Variants in ABCB7 observed in about 807,000 individuals in gnomAD.
ABCB7 encodes ATP binding cassette subfamily B member 7.
Under a neutral mutation model 54.4 loss-of-function variants are expected in ABCB7, and 7 were observed. The ratio of observed to expected loss-of-function variants is 0.13; its 90% CI spans 0.07 to 0.24. The LOEUF is 0.24. ABCB7 is among the 10% of genes least tolerant of loss of function. The probability of loss-of-function intolerance (pLI) is 1.00; values close to 1 mark genes in which losing one functional copy is unlikely to be tolerated. For missense variants in ABCB7, 356 were observed against 570.4 expected, an observed-to-expected ratio of 0.62 and a Z score of 3.83; for synonymous variants, 218 against 207.1, an observed-to-expected ratio of 1.05 and a Z score of -0.45.
intron 5 of ABCB7, among the ~76,000 whole-genome samples, chrX:75,076,080 G>A (rs949757892): frequency 9.0e-6 from 1 of 111,473 alleles, no homozygotes; most frequent in Non-Finnish European, 1.9e-5. Context: ...GGGACACACA[G>A]CATTCATATT....
At chrX:75,152,600 CCT>C (rs1213275965) in intron 1 of ABCB7, among the ~76,000 whole-genome samples, 1 of 111,963 alleles carries the variant, frequency 8.9e-6, no homozygotes, top group Non-Finnish European at 1.9e-5. Flanking sequence ...TGTATCATAA[CCT>C]AATGTTCCAG....
At chrX:75,116,299 C>T (rs933769222) in intron 1 of ABCB7, among the ~76,000 whole-genome samples, 2 of 110,569 alleles carry the variant, frequency 1.8e-5, no homozygotes, top group African/African-American at 6.6e-5. Context: ...ACCTGGAAGT[C>T]GCACCACCCC....
At chrX:75,081,696 T>C (rs2081456763) in intron 4 of ABCB7, among the ~76,000 whole-genome samples, 1 of 111,899 alleles carries the variant, frequency 8.9e-6, no homozygotes, top group Admixed American at 9.5e-5. Context: ...ATAAAAACAC[T>C]GAAATCCCAG....
intron 4 of ABCB7, among the ~76,000 whole-genome samples, chrX:75,085,259 C>T (rs193110010): frequency 1.9e-3 from 211 of 111,925 alleles, no homozygotes; most frequent in African/African-American, 6.2e-3. Context: ...GAATACTATT[C>T]GGCAATGAAA....
At chrX:75,078,420 T>C (rs140020116) in intron 4 of ABCB7, among the ~76,000 whole-genome samples, 1,959 of 111,554 alleles carry the variant, frequency 0.018, 49 homozygotes, top group African/African-American at 0.06. Flanking sequence ...TCCATCCTTT[T>C]TGCATAAATT....
intron 1 of ABCB7, among the ~76,000 whole-genome samples, chrX:75,142,241 C>T (rs2082059173): frequency 9.0e-6 from 1 of 111,658 alleles, no homozygotes; most frequent in Non-Finnish European, 1.9e-5. Context: ...TTATGCACAT[C>T]CTCCTGTATA....
intron 1 of ABCB7, among the ~76,000 whole-genome samples, chrX:75,142,579 C>A (rs139310084): frequency 1.3e-4 from 14 of 111,708 alleles, no homozygotes; most frequent in African/African-American, 2.6e-4. Flanking sequence ...GAATCTCCCC[C>A]CAAGGTGTTT....
intron 1 of ABCB7, among the ~76,000 whole-genome samples, chrX:75,125,162 C>A (rs957830223): frequency 1.8e-5 from 2 of 111,567 alleles, no homozygotes; most frequent in African/African-American, 6.5e-5. Context: ...TTGGACCATT[C>A]TGTATGGCTC....
intron 1 of ABCB7, among the ~76,000 whole-genome samples, chrX:75,116,823 G>T (rs780555897): frequency 6.3e-5 from 7 of 110,843 alleles, no homozygotes; most frequent in Non-Finnish European, 1.1e-4. Flanking sequence ...GACCTGGCTG[G>T]TAAAACAGGT....
At position 75,053,619 on chromosome X, in the gene ABCB7, G is replaced by A. The variant is rs769374153; in HGVS notation, c.2044-34C>T. On this transcript the variant is annotated intron_variant, in intron 15 of 15. Coordinates refer to ENST00000373394, the MANE Select transcript of ABCB7 (RefSeq NM_001271696.3). ...TAAACACATGAGAAACACGGAGAAA[G>A]GTCATTTAACTAGCATAATAACTGA... 2.7e-4 allele frequency: 311 copies of A among 1,164,807 alleles called. 2 individuals carry two copies. The East Asian group carries it at 9.4e-3, about 35-fold the overall frequency.
At chrX:75,058,352 T>C (rs955379871) in intron 15 of ABCB7, among the ~76,000 whole-genome samples, 6 of 111,797 alleles carry the variant, frequency 5.4e-5, no homozygotes, top group Non-Finnish European at 1.1e-4. Flanking sequence ...TCCTTACGGC[T>C]GTATACTTAT....
At chrX:75,102,574 G>C (rs937322001) in intron 3 of ABCB7, among the ~76,000 whole-genome samples, 1 of 111,689 alleles carries the variant, frequency 9.0e-6, no homozygotes, top group Non-Finnish European at 1.9e-5. Context: ...CACTTAGATT[G>C]ATTCCATATC....
At chrX:75,142,970 GAA>G (rs2082065033) in intron 1 of ABCB7, among the ~76,000 whole-genome samples, 2 of 112,228 alleles carry the variant, frequency 1.8e-5, no homozygotes, top group African/African-American at 6.5e-5. Flanking sequence ...ATAAACTCTA[GAA>G]ACAGAATACA....
At chrX:75,064,445 T>C (rs1312515654) in intron 13 of ABCB7, among the ~76,000 whole-genome samples, 1 of 110,377 alleles carries the variant, frequency 9.1e-6, no homozygotes, top group Non-Finnish European at 1.9e-5. Context: ...TAAAGAAACA[T>C]TTTTCTGTGT....
intron 1 of ABCB7, among the ~76,000 whole-genome samples, chrX:75,125,981 A>G (rs1395229341): frequency 9.0e-6 from 1 of 111,280 alleles, no homozygotes; most frequent in Non-Finnish European, 1.9e-5. Flanking sequence ...AACTACACTT[A>G]AAAAATTCCA....
chrX:75,111,597 C>T, intron 3 of ABCB7, among the ~76,000 whole-genome samples: 1 of 111,191 alleles, frequency 9.0e-6, no homozygotes, highest in South Asian at 3.7e-4. Context: ...ACTACAACTC[C>T]ACACTATTTT....
rs193115798 is a variant in ABCB7 at position 75,119,463 on chromosome X, C to T, written c.169-4632G>A. Among the ~76,000 whole-genome samples the T allele has an allele frequency of 7.1e-5, 8 of 112,204 alleles. No homozygotes were observed. In the East Asian group the frequency reaches 2.2e-3, roughly 31 times the overall value. On this transcript the variant is annotated intron_variant, in intron 1 of 15. Transcript: ENST00000373394. ...AGTACAACAGGTTTTTCTTAGAGCA[C>T]TTATCTACTGTTTAACAAAAATTTT...
At chrX:75,086,751 G>T (rs2081500856) in intron 4 of ABCB7, among the ~76,000 whole-genome samples, 1 of 111,743 alleles carries the variant, frequency 8.9e-6, no homozygotes, top group Non-Finnish European at 1.9e-5. Context: ...AGATTGGCAT[G>T]AATTATTTTC....
rs1208997438 is a variant in ABCB7 at position 75,062,322 on chromosome X, A to G, written c.1935+6T>C. ...TGAAGAGCTTTATATTTTAATCATA[A>G]CTTACCTCTTCAGTAATCGAATCTA... On this transcript the variant is annotated splice_donor_region_variant and intron_variant, in intron 14 of 15. Transcript: ENST00000373394. 2.5e-6 allele frequency: 3 copies of G among 1,195,251 alleles called. No individual in the cohort carries two copies. Among genetic ancestry groups the G allele is most frequent in the East Asian group, 5.9e-5 (2 of 33,677 alleles).
Sources: allele counts gnomAD v4.1 joint callset (sites outside exome capture counted in the v4.1 genomes callset), GRCh38; gene constraint gnomAD v4.1.1; transcripts MANE v1.5; gene names NCBI Gene and HGNC (gene_info 2026-07-23, HGNC 2026-07-21).